Variants in KHDRBS2 observed in about 807,000 individuals in gnomAD.
KHDRBS2 encodes the protein KH domain-containing, RNA-binding, signal transduction-associated protein 2.
A neutral mutation model predicts 44.3 loss-of-function variants in KHDRBS2; 26 were observed. The ratio of observed to expected loss-of-function variants is 0.59; its 90% CI spans 0.43 to 0.81. KHDRBS2 has a LOEUF of 0.81. Among genes scored for constraint, KHDRBS2 ranks in the 40% least tolerant of loss-of-function variants. The pLI is 0.00. For missense variants in KHDRBS2, 476 were observed against 433.1 expected, an observed-to-expected ratio of 1.10 and a Z score of -0.88; for synonymous variants, 194 against 151.1, an observed-to-expected ratio of 1.28 and a Z score of -2.08.
At chr6:62,192,766 A>G (rs1274564188) in intron 1 of KHDRBS2, among the ~76,000 whole-genome samples, 1 of 152,144 alleles carries the variant, frequency 6.6e-6, no homozygotes, top group Admixed American at 6.6e-5. Context: ...TCATTCACTC[A>G]GCACATGTTA....
At chr6:62,006,930 C>A (rs1367159955) in intron 3 of KHDRBS2, among the ~76,000 whole-genome samples, 7 of 151,846 alleles carry the variant, frequency 4.6e-5, no homozygotes, top group Admixed American at 2.6e-4. Context: ...ATTCAGCTTA[C>A]TGTTCTGAAA....
At chr6:61,837,375 G>C (rs1792859816) in intron 6 of KHDRBS2, among the ~76,000 whole-genome samples, 1 of 151,912 alleles carries the variant, frequency 6.6e-6, no homozygotes. Context: ...ATCTTCCTTA[G>C]GCACCAACAG....
Position 61,870,237 on chromosome 6 carries a change from G to A in KHDRBS2, c.810+24398C>T, listed in dbSNP as rs1798460634. On this transcript the variant is annotated intron_variant, in intron 6 of 8. Coordinates refer to ENST00000281156, the MANE Select transcript of KHDRBS2 (RefSeq NM_152688.4). ...TGGGCATTTGCCATTGCTGAGGCTT[G>A]AGTAGGTGGTTTTACTCTCACAGTG... Among the ~76,000 whole-genome samples the A allele has an allele frequency of 2.0e-5, 3 of 152,132 alleles. No individual in the cohort carries two copies. The South Asian group carries it at 6.2e-4, about 32-fold the overall frequency.
chr6:62,166,752 T>C (rs1818768076), intron 2 of KHDRBS2, among the ~76,000 whole-genome samples: 2 of 152,178 alleles, frequency 1.3e-5, no homozygotes, highest in South Asian at 4.1e-4. Flanking sequence ...GATAATGCAA[T>C]GTCTCTTGAT....
chr6:62,147,842 A>T (rs6922243), intron 2 of KHDRBS2, among the ~76,000 whole-genome samples: 4 of 151,672 alleles, frequency 2.6e-5, no homozygotes, highest in Admixed American at 6.6e-5. Flanking sequence ...GCCTGAGAAG[A>T]TCAGATAGCC....
At chr6:62,020,237 T>C (rs1319037814) in intron 3 of KHDRBS2, among the ~76,000 whole-genome samples, 1 of 152,036 alleles carries the variant, frequency 6.6e-6, no homozygotes, top group Non-Finnish European at 1.5e-5. Flanking sequence ...GTATTATTTT[T>C]CCAGAGGTAT....
the KHDRBS2 span, among the ~76,000 whole-genome samples, chr6:61,643,994 C>T: frequency 1.3e-5 from 2 of 151,964 alleles, no homozygotes; most frequent in African/African-American, 4.8e-5. Flanking sequence ...CCCAAATAGC[C>T]AAGGCAATCA....
At chr6:62,216,936 G>C (rs1830102051) in intron 1 of KHDRBS2, among the ~76,000 whole-genome samples, 2 of 150,266 alleles carry the variant, frequency 1.3e-5, no homozygotes, top group South Asian at 4.2e-4. Context: ...AGGGGTTATA[G>C]GGTTTGGTAT....
chr6:61,607,162 G>A, the KHDRBS2 span, among the ~76,000 whole-genome samples: 1 of 151,636 alleles, frequency 6.6e-6, no homozygotes, highest in East Asian at 1.9e-4. Flanking sequence ...TAGAGATTTT[G>A]GACATTAAAA....
intron 2 of KHDRBS2, among the ~76,000 whole-genome samples, chr6:62,050,129 T>C (rs1788661136): frequency 6.6e-6 from 1 of 152,068 alleles, no homozygotes; most frequent in Non-Finnish European, 1.5e-5. Context: ...AAGGATGAGT[T>C]CATGCCCTTT....
At chr6:61,823,736 C>T (rs1044946542) in intron 6 of KHDRBS2, among the ~76,000 whole-genome samples, 9 of 151,930 alleles carry the variant, frequency 5.9e-5, no homozygotes, top group Non-Finnish European at 1.2e-4. Flanking sequence ...CTGAGTATGT[C>T]GATTTAAGAT....
At chr6:61,670,677 A>G in the KHDRBS2 span, among the ~76,000 whole-genome samples, 3 of 151,318 alleles carry the variant, frequency 2.0e-5, no homozygotes, top group Non-Finnish European at 3.0e-5. Flanking sequence ...TTTAAAGTTT[A>G]TACTTTGAAA....
intron 3 of KHDRBS2, among the ~76,000 whole-genome samples, chr6:61,991,304 A>C (rs1441588792): frequency 1.3e-5 from 2 of 152,200 alleles, no homozygotes; most frequent in African/African-American, 4.8e-5. Context: ...GCTGTTTGTC[A>C]AGAACATCTT....
the KHDRBS2 span, among the ~76,000 whole-genome samples, chr6:61,549,284 G>C: frequency 6.6e-6 from 1 of 152,118 alleles, no homozygotes; most frequent in African/African-American, 2.4e-5. Flanking sequence ...ATGTGTTTTA[G>C]TTGTCTGTGG....
At chr6:62,229,862 G>A (rs1475932771) in intron 1 of KHDRBS2, among the ~76,000 whole-genome samples, 4 of 152,146 alleles carry the variant, frequency 2.6e-5, no homozygotes, top group Admixed American at 6.5e-5. Context: ...TGGATACCTC[G>A]GTTGCTGGTG....
chr6:62,242,667 C>T (rs1024921107), intron 1 of KHDRBS2, among the ~76,000 whole-genome samples: 3 of 152,012 alleles, frequency 2.0e-5, no homozygotes, highest in Non-Finnish European at 4.4e-5. Context: ...TAGGAGTTAA[C>T]TACATTTTAT....
chr6:61,707,340 A>G (rs1209027224), intron 7 of KHDRBS2, among the ~76,000 whole-genome samples: 1 of 151,740 alleles, frequency 6.6e-6, no homozygotes, highest in African/African-American at 2.4e-5. Context: ...TTGGCTGTCT[A>G]TCTTCTTCAT....
At chr6:62,089,338 T>C (rs958222474) in intron 2 of KHDRBS2, among the ~76,000 whole-genome samples, 1 of 151,534 alleles carries the variant, frequency 6.6e-6, no homozygotes, top group East Asian at 1.9e-4. Flanking sequence ...AGTTTTGTGC[T>C]TGAAACCGAG....
chr6:61,992,229 C>A (rs1459019304), intron 3 of KHDRBS2, among the ~76,000 whole-genome samples: 5 of 152,140 alleles, frequency 3.3e-5, no homozygotes, highest in Non-Finnish European at 7.3e-5. Context: ...ACAATTTTAT[C>A]CTGGCATTTC....
Sources: allele counts gnomAD v4.1 joint callset (sites outside exome capture counted in the v4.1 genomes callset), GRCh38; gene constraint gnomAD v4.1.1; transcripts MANE v1.5; gene names NCBI Gene and HGNC (gene_info 2026-07-23, HGNC 2026-07-21).